KCNK3: variants seen among roughly 807,000 people sequenced by gnomAD.
The protein encoded by KCNK3 is potassium two pore domain channel subfamily K member 3, also known as potassium channel subfamily K member 3.
A neutral mutation model predicts 27.3 loss-of-function variants in KCNK3; 9 were observed. The ratio of observed to expected loss-of-function variants is 0.33; its 90% CI spans 0.20 to 0.57. The LOEUF is 0.57. KCNK3 is among the 20% of genes least tolerant of loss of function. KCNK3 has a pLI of 0.87. For missense variants in KCNK3, 391 were observed against 577.7 expected (o/e 0.68, Z 3.31); for synonymous variants, 278 against 273.8 (o/e 1.02, Z -0.15).
rs906789638 is a variant in KCNK3, at chr2:26,726,040, C to T, written c.284-1627C>T. On this transcript the variant is annotated intron_variant, in intron 1 of 1. Coordinates refer to ENST00000302909, the MANE Select transcript of KCNK3 (RefSeq NM_002246.3). ...TGTGAGGCAAGTGTATTATTAACCC[C>T]ATTTTATAGATGTGGAAACTAAGGC... Among the ~76,000 whole-genome samples the T allele has an allele frequency of 2.6e-5, 4 of 151,582 alleles. No homozygotes were observed. In the East Asian group the frequency reaches 7.7e-4, roughly 29 times the overall value.
intron 1 of KCNK3, among the ~76,000 whole-genome samples, chr2:26,701,152 G>T (rs1418734476): frequency 6.6e-6 from 1 of 152,304 alleles, no homozygotes; most frequent in South Asian, 2.1e-4. Flanking sequence ...CCTGACATCT[G>T]GGAATAGCCA....
At position 26,730,054 on chromosome 2, in the gene KCNK3, AG is replaced by A. The variant is rs1663508167; in HGVS notation, c.*1487del. ...CCTCTTCTCTTCTTGGCCAGGAGGCAGCAGCTCTGAATGGGCCCCTGAGGCT... is the reference window on the plus strand; with the variant it reads ...CCTCTTCTCTTCTTGGCCAGGAGGCACAGCTCTGAATGGGCCCCTGAGGCT... On this transcript the variant is annotated 3_prime_UTR_variant, in exon 2 of 2. Transcript: ENST00000302909. 6.6e-6 allele frequency: 1 copy of A among 152,256 alleles called. No homozygotes were observed. The highest frequency in any genetic ancestry group is 6.5e-5 in the Admixed American group (1 of 15,278). 9.4% of individuals were successfully genotyped at this position (152,256 alleles called of 1,614,324 possible).
rs1004845263 is a variant in KCNK3 at position 26,733,320 on chromosome 2, T to C, written c.*4752T>C. 6 of 152,232 alleles carry C rather than the reference T, an allele frequency of 3.9e-5. No individual in the cohort carries two copies. The highest frequency in any genetic ancestry group is 1.4e-4 in the African/African-American group (6 of 41,446). 9.4% of individuals were successfully genotyped at this position (152,232 alleles called of 1,614,324 possible). ...TATGCCTCGTGGAAAAAATGGTTCG[T>C]TGGTCAAATGAATTTGGGAAAATGC... On this transcript the variant is annotated 3_prime_UTR_variant, in exon 2 of 2. Coordinates refer to ENST00000302909, the MANE Select transcript of KCNK3 (RefSeq NM_002246.3).
intron 1 of KCNK3, among the ~76,000 whole-genome samples, chr2:26,702,621 G>A (rs1304128357): frequency 6.6e-6 from 1 of 152,114 alleles, no homozygotes; most frequent in Non-Finnish European, 1.5e-5. Flanking sequence ...GCCTCAAGAG[G>A]TAGTGAGCTT....
intron 1 of KCNK3, among the ~76,000 whole-genome samples, chr2:26,715,737 C>T (rs1420856838): frequency 6.6e-6 from 1 of 152,204 alleles, no homozygotes; most frequent in Non-Finnish European, 1.5e-5. Context: ...CTGCCTGCCC[C>T]TCCGCTTCAG....
At chr2:26,723,486 C>CT (rs1321103531) in intron 1 of KCNK3, among the ~76,000 whole-genome samples, 17 of 152,204 alleles carry the variant, frequency 1.1e-4, no homozygotes, top group African/African-American at 3.4e-4. Flanking sequence ...GCCAGGGTCC[C>CT]AGGCCACCTC....
At chr2:26,727,184 C>T (rs1663435035) in intron 1 of KCNK3, among the ~76,000 whole-genome samples, 1 of 152,170 alleles carries the variant, frequency 6.6e-6, no homozygotes, top group Non-Finnish European at 1.5e-5. Flanking sequence ...AGGGCAACCA[C>T]CTCACCTTGT....
rs764611480 is a variant in KCNK3 at position 26,728,207 on chromosome 2, G to A, written c.824G>A (p.Gly275Glu). ...AACGGGCAGGCGGGCGGCGGCGGAG[G>A]GGGTGGCAGCGCGCACACTACGGAC... ...TRNGQAGGGG[G>E]GGSAHTTDTA... The change falls in exon 2 of 2, where the codon GGG (glycine) becomes GAG (glutamate). Residue 275 changes from glycine to glutamate, a missense_variant. Physicochemically the swap from Gly to Glu is moderately conservative, Grantham distance 98 (BLOSUM62 -2). Transcript: ENST00000302909. 4.5e-5 allele frequency: 71 copies of A among 1,562,518 alleles called. No individual in the cohort carries two copies. Among genetic ancestry groups the A allele is most frequent in the Non-Finnish European group, 5.5e-5 (64 of 1,153,958 alleles).
intron 1 of KCNK3, among the ~76,000 whole-genome samples, chr2:26,714,531 C>T (rs1206101554): frequency 6.6e-3 from 2 of 304 alleles, no homozygotes; most frequent in Admixed American, 0.036. Context: ...GGAAGCAGAG[C>T]TGGAGAGAGC....
chr2:26,721,356 C>A lies in KCNK3; in HGVS notation c.284-6311C>A, dbSNP rs973702929. ...GCATCTCACAGGAGGAGGGAGAGCA[C>A]CTGCGCCCTCCTCCCGTCTCCACCA... is the stretch of plus-strand genomic sequence containing the variant. On this transcript the variant is annotated intron_variant, in intron 1 of 1. Coordinates refer to ENST00000302909, the MANE Select transcript of KCNK3 (RefSeq NM_002246.3). This position sits in a 1 kb window ranked among gnomAD's most constrained non-coding sequence, Gnocchi z 4.3. Among the ~76,000 whole-genome samples the A allele has an allele frequency of 6.6e-6, 1 of 152,086 alleles. No individual in the cohort carries two copies. Among genetic ancestry groups the A allele is most frequent in the African/African-American group, 2.4e-5 (1 of 41,392 alleles).
At position 26,721,878 on chromosome 2, in the gene KCNK3, G is replaced by A. The variant is rs762559224; in HGVS notation, c.284-5789G>A. Among the ~76,000 whole-genome samples the A allele has an allele frequency of 1.4e-4, 22 of 152,240 alleles. No individual in the cohort carries two copies. The highest frequency in any genetic ancestry group is 2.1e-4 in the South Asian group (1 of 4,838). ...TTACATTAGATAACTAGGTCAGCCT[G>A]GAGACAGGCACAGCTGGCATTGCCA... On this transcript the variant is annotated intron_variant, in intron 1 of 1. Transcript: ENST00000302909. This position sits in a 1 kb window ranked among gnomAD's most constrained non-coding sequence, Gnocchi z 4.3.
At chr2:26,725,061 T>C (rs1663389409) in intron 1 of KCNK3, among the ~76,000 whole-genome samples, 1 of 152,162 alleles carries the variant, frequency 6.6e-6, no homozygotes, top group East Asian at 1.9e-4. Context: ...CACTGGCTTT[T>C]CCTAAGAGAC....
In KCNK3 at chr2:26,723,684, C is replaced by A. The variant is rs553344739; in HGVS notation, c.284-3983C>A. Among the ~76,000 whole-genome samples the A allele has an allele frequency of 1.1e-4, 16 of 152,350 alleles. No individual in the cohort carries two copies. The South Asian group carries it at 3.1e-3, about 30-fold the overall frequency. On this transcript the variant is annotated intron_variant, in intron 1 of 1. Transcript: ENST00000302909. ...AGATTGCTTTCCCTCTCTGGGCCTC[C>A]ATTTCCTCATCTGTACGATGTAAAG... is the stretch of plus-strand genomic sequence containing the variant.
chr2:26,718,878 G>A (rs946373906), intron 1 of KCNK3, among the ~76,000 whole-genome samples: 3 of 152,162 alleles, frequency 2.0e-5, no homozygotes, highest in Non-Finnish European at 2.9e-5. Context: ...CAAATGCTGG[G>A]TTTACAGGCA....
Position 26,728,576 on chromosome 2 carries a change from G to T in KCNK3, c.*8G>T, listed in dbSNP as rs770050192. 11 of 1,433,444 alleles carry T rather than the reference G, an allele frequency of 7.7e-6. No homozygotes were observed. Among genetic ancestry groups the T allele is most frequent in the Non-Finnish European group, 1.0e-5 (11 of 1,093,128 alleles). The allele number at this position is 1,433,444 out of a possible 1,614,324, so 88.8% of individuals were successfully genotyped here. A position where few individuals can be genotyped will look rare whatever the true frequency, so the allele number is the denominator to read the frequency against. On this transcript the variant is annotated 3_prime_UTR_variant, in exon 2 of 2. Transcript: ENST00000302909. ...CGCAGGAGCTCCGTGTGACTGCCCC[G>T]AGGGGCCTGGAGCACCTGGGGGCGC...
Position 26,693,222 on chromosome 2 carries a change from G to C in KCNK3, c.283+64G>C. 1 of 1,250,114 alleles carries C rather than the reference G, an allele frequency of 8.0e-7. No homozygotes were observed. The highest frequency in any genetic ancestry group is 1.0e-6 in the Non-Finnish European group (1 of 952,746). 77.4% of individuals were successfully genotyped at this position (1,250,114 alleles called of 1,614,324 possible). On this transcript the variant is annotated intron_variant, in intron 1 of 1. Transcript: ENST00000302909. The surrounding 1 kb of genome is among the most constrained non-coding windows in gnomAD (Gnocchi z 5.5). ...GGGCGCGGGGCTCCGGGAGTCGTCC[G>C]GGGCCGGCTGGGGCTGGGGGCGGGG...
chr2:26,692,844 G>T lies in KCNK3; in HGVS notation c.-32G>T, dbSNP rs753430107. On this transcript the variant is annotated 5_prime_UTR_variant, in exon 1 of 2. Coordinates refer to ENST00000302909, the MANE Select transcript of KCNK3 (RefSeq NM_002246.3). This position sits in a 1 kb window ranked among gnomAD's most constrained non-coding sequence, Gnocchi z 5.6. ...CGGGGCCGAGGCGCGGGCCGGGGGC[G>T]CCGGGGGGCCGGCGGCGGCCCGGGC... is the stretch of plus-strand genomic sequence containing the variant. 69 of 1,179,790 alleles carry T rather than the reference G, an allele frequency of 5.8e-5. No individual in the cohort carries two copies. The highest frequency in any genetic ancestry group is 6.8e-5 in the Non-Finnish European group (65 of 953,178). 73.1% of individuals were successfully genotyped at this position (1,179,790 alleles called of 1,614,324 possible). A position where few individuals can be genotyped will look rare whatever the true frequency, so the allele number is the denominator to read the frequency against.
intron 1 of KCNK3, among the ~76,000 whole-genome samples, chr2:26,701,163 T>C (rs1160273357): frequency 6.6e-6 from 1 of 152,154 alleles, no homozygotes; most frequent in Non-Finnish European, 1.5e-5. Flanking sequence ...GGAATAGCCA[T>C]GAGATGTGTG....
rs1490992555 is a variant in KCNK3, at chr2:26,728,206, G to A, written c.823G>A (p.Gly275Arg). Residue 275 changes from glycine to arginine, a missense_variant, in exon 2 of 2, where the codon GGG (glycine) becomes AGG (arginine). Transcript: ENST00000302909. ...TRNGQAGGGG[G>R]GGSAHTTDTA... The stretch of plus-strand genomic sequence containing the variant: ...CAACGGGCAGGCGGGCGGCGGCGGA[G>A]GGGGTGGCAGCGCGCACACTACGGA... The A allele has an allele frequency of 6.4e-7, 1 of 1,562,186 alleles. No individual in the cohort carries two copies. Among genetic ancestry groups the A allele is most frequent in the Non-Finnish European group, 8.7e-7 (1 of 1,153,740 alleles).
Sources: allele counts gnomAD v4.1 joint callset (sites outside exome capture counted in the v4.1 genomes callset), GRCh38; gene constraint gnomAD v4.1.1; non-coding constraint Gnocchi (gnomAD v3.1); transcripts MANE v1.5; gene names NCBI Gene and HGNC (gene_info 2026-07-23, HGNC 2026-07-21).